The following EVI5 variants were observed in gnomAD, a reference collection of about 807,000 sequenced individuals.
The protein encoded by EVI5 is ecotropic viral integration site 5 protein homolog.
A neutral mutation model predicts 112.0 loss-of-function variants in EVI5; 73 were observed. The observed-to-expected ratio is 0.65, with a 90% CI of 0.54 to 0.79. EVI5 has a LOEUF of 0.79. EVI5 is among the 30% of genes least tolerant of loss of function. The pLI is 0.00. For synonymous variants in EVI5, 305 were observed against 319.9 expected (o/e 0.95, Z 0.50); for missense variants, 900 against 968.8 (o/e 0.93, Z 0.94).
chr1:92,532,461 C>A (rs1231654274), intron 19 of EVI5, among the ~76,000 whole-genome samples: 2 of 152,192 alleles, frequency 1.3e-5, no homozygotes. Flanking sequence ...GAACTCTCCA[C>A]TCCAAATCAA....
chr1:92,739,239 C>T (rs1677950776), intron 1 of EVI5, among the ~76,000 whole-genome samples: 1 of 141,582 alleles, frequency 7.1e-6, no homozygotes, highest in Non-Finnish European at 1.5e-5. Flanking sequence ...CGCCACTGCT[C>T]TCCAGCCTGA....
At chr1:92,601,812 C>T (rs1041726400) in intron 18 of EVI5, among the ~76,000 whole-genome samples, 3 of 152,194 alleles carry the variant, frequency 2.0e-5, no homozygotes, top group Non-Finnish European at 2.9e-5. Flanking sequence ...ATCCTGCATA[C>T]CAGGTTCTTC....
intron 13 of EVI5, among the ~76,000 whole-genome samples, chr1:92,644,256 A>G (rs1660527044): frequency 1.3e-5 from 2 of 152,220 alleles, no homozygotes; most frequent in African/African-American, 4.8e-5. Context: ...GAAGTTTACA[A>G]CATCATCTAT....
Position 92,662,766 on chromosome 1 carries a change from C to G in EVI5, c.1345G>C (p.Glu449Gln). The G allele has an allele frequency of 1.6e-6, 2 of 1,288,182 alleles. No individual in the cohort carries two copies. The highest frequency in any genetic ancestry group is 1.5e-5 in the African/African-American group (1 of 65,850). The allele number at this position is 1,288,182 out of a possible 1,614,324, so 79.8% of individuals were successfully genotyped here. The change falls in exon 13 of 20, where the codon GAG becomes CAG. Residue 449 changes from glutamate to glutamine, a missense_variant. Glu to Gln is a conservative substitution (Grantham distance 29). Coordinates refer to ENST00000684568, the MANE Select transcript of EVI5 (RefSeq NM_001350197.2). ...QQSDEASAKL[E>Q]QAENTIRKLQ... Reference sequence around the variant, plus strand: ...TTCCTGATGGTATTTTCAGCTTGCTCCAGCTTAGCACTGGCCTCATCACTC... The same window carrying G: ...TTCCTGATGGTATTTTCAGCTTGCTGCAGCTTAGCACTGGCCTCATCACTC...
Position 92,766,991 on chromosome 1 carries a change from A to G in EVI5, c.-82+17845T>C, listed in dbSNP as rs146397858. Among the ~76,000 whole-genome samples the G allele has an allele frequency of 3.9e-3, 590 of 151,618 alleles. 3 individuals carry two copies. Among genetic ancestry groups the G allele is most frequent in the African/African-American group, 0.013 (545 of 41,274 alleles). On this transcript the variant is annotated intron_variant, in intron 1 of 19. Transcript: ENST00000684568. ...CAGCGACTCGGGAGGCTGAGGCAGG[A>G]CAATCACTGGAACCTGTGGAGGCAG...
At chr1:92,552,754 C>T (rs948361759) in intron 19 of EVI5, among the ~76,000 whole-genome samples, 4 of 152,168 alleles carry the variant, frequency 2.6e-5, no homozygotes, top group Admixed American at 6.5e-5. Flanking sequence ...GCATACCCTA[C>T]CTTAGTTAAT....
Position 92,785,009 on chromosome 1 carries a change from T to A in EVI5, c.-255A>T. The A allele has an allele frequency of 3.0e-6, 3 of 985,176 alleles. No individual in the cohort carries two copies. Among genetic ancestry groups the A allele is most frequent in the Non-Finnish European group, 3.6e-6 (3 of 829,978 alleles). 61.0% of individuals were successfully genotyped at this position (985,176 alleles called of 1,614,324 possible). The stretch of plus-strand genomic sequence containing the variant: ...TCAGGGCCGCCTCGCGACCCTCACC[T>A]ACCCCTCCCGGCACCGCCGCTGTCG... On this transcript the variant is annotated 5_prime_UTR_variant, in exon 1 of 20. Coordinates refer to ENST00000684568, the MANE Select transcript of EVI5 (RefSeq NM_001350197.2).
chr1:92,765,281 C>T (rs1682455421), intron 1 of EVI5, among the ~76,000 whole-genome samples: 1 of 146,326 alleles, frequency 6.8e-6, no homozygotes, highest in Admixed American at 7.0e-5. Context: ...TCTTGAACTC[C>T]TAGGCTCAAG....
In EVI5 at chr1:92,587,014, T is replaced by C. The variant is rs530472115; in HGVS notation, c.2070+18293A>G. ...CTAATTCTTAACTGAGATCTTACTA[T>C]GAGCTCATCTTGGGGGATCCAAATG... is the stretch of plus-strand genomic sequence containing the variant. On this transcript the variant is annotated intron_variant, in intron 18 of 19. Coordinates refer to ENST00000684568, the MANE Select transcript of EVI5 (RefSeq NM_001350197.2). Among the ~76,000 whole-genome samples, 252 of 152,272 alleles carry C rather than the reference T, an allele frequency of 1.7e-3. 2 individuals carry two copies. Among genetic ancestry groups the C allele is most frequent in the African/African-American group, 5.7e-3 (237 of 41,542 alleles).
Position 92,695,415 on chromosome 1 carries a change from C to CT in EVI5, c.803dup (p.Ser269GlufsTer30), listed in dbSNP as rs1307557699. The CT allele has an allele frequency of 1.9e-6, 3 of 1,608,428 alleles. No individual in the cohort carries two copies. The highest frequency in any genetic ancestry group is 2.6e-6 in the Non-Finnish European group (3 of 1,175,562). On this transcript the variant is annotated frameshift_variant, in exon 7 of 20. Coordinates refer to ENST00000684568, the MANE Select transcript of EVI5 (RefSeq NM_001350197.2). LOFTEE classifies it high-confidence loss of function. Reference sequence around the variant, plus strand: ...ATGCATACATTGAGGTATGAAAACTCTGAGATTGAAAATGTACAAAGAGCT... The same window carrying CT: ...ATGCATACATTGAGGTATGAAAACTCTTGAGATTGAAAATGTACAAAGAGCT...
At chr1:92,649,943 C>T (rs572161766) in intron 13 of EVI5, among the ~76,000 whole-genome samples, 10 of 152,298 alleles carry the variant, frequency 6.6e-5, no homozygotes, top group African/African-American at 2.2e-4. Context: ...AGAGACTATT[C>T]GTTCCTCATT....
At chr1:92,717,861 A>G (rs1647526948) in intron 2 of EVI5, among the ~76,000 whole-genome samples, 1 of 152,116 alleles carries the variant, frequency 6.6e-6, no homozygotes, top group African/African-American at 2.4e-5. Flanking sequence ...TCTACCAAGC[A>G]ATTGGAAAGC....
chr1:92,690,658 T>C (rs1486913510), intron 9 of EVI5, among the ~76,000 whole-genome samples: 6 of 152,062 alleles, frequency 3.9e-5, no homozygotes, highest in South Asian at 4.2e-4. Context: ...CCCTCAATAA[T>C]AACTTTTGAG....
At chr1:92,583,731 CTCTT>C (rs1339081746) in intron 18 of EVI5, among the ~76,000 whole-genome samples, 7 of 148,402 alleles carry the variant, frequency 4.7e-5, no homozygotes, top group African/African-American at 1.3e-4. Flanking sequence ...CTCTCTCTCT[CTCTT>C]TTTTTTTTTT....
At chr1:92,622,392 G>A (rs1310991725) in intron 16 of EVI5, 2 of 394,502 alleles carry the variant, frequency 5.1e-6, no homozygotes, top group Non-Finnish European at 5.0e-6. Flanking sequence ...AAGAACCTTT[G>A]TACTTAAGAA....
chr1:92,552,815 T>C (rs1387651249), intron 19 of EVI5, among the ~76,000 whole-genome samples: 6 of 152,164 alleles, frequency 3.9e-5, no homozygotes, highest in Non-Finnish European at 7.3e-5. Context: ...AGTTCGAATA[T>C]TTTTCCTCAC....
chr1:92,751,105 G>A (rs539445994), intron 1 of EVI5, among the ~76,000 whole-genome samples: 8 of 152,190 alleles, frequency 5.3e-5, no homozygotes, highest in African/African-American at 1.7e-4. Flanking sequence ...AGCCAAGATC[G>A]CACCACTGCA....
chr1:92,563,774 G>T, intron 18 of EVI5, 37 bp from the exon 19 acceptor site: 1 of 1,356,572 alleles, frequency 7.4e-7, no homozygotes, highest in Non-Finnish European at 1.1e-6. Context: ...AAAACAAGAG[G>T]CAATTTTTCA....
rs374717699 is a variant in EVI5, at chr1:92,604,145, T to A, written c.2070+1162A>T. Among the ~76,000 whole-genome samples, 54 of 151,158 alleles carry A rather than the reference T, an allele frequency of 3.6e-4. 1 individual carries two copies. The highest frequency in any genetic ancestry group is 1.2e-3 in the African/African-American group (50 of 41,152). On this transcript the variant is annotated intron_variant, in intron 18 of 19. Transcript: ENST00000684568. ...TGGGCGGATCACTTAAGCCCAGGAG[T>A]TCGAAACCAGCCTGGCCAGCAAAGG...
Sources: allele counts gnomAD v4.1 joint callset (sites outside exome capture counted in the v4.1 genomes callset), GRCh38; gene constraint gnomAD v4.1.1; transcripts MANE v1.5; gene names NCBI Gene and HGNC (gene_info 2026-07-23, HGNC 2026-07-21).